TTLL11: variants seen among roughly 807,000 people sequenced by gnomAD.
The protein encoded by TTLL11 is tubulin tyrosine ligase like 11.
Under a neutral mutation model 51.7 loss-of-function variants are expected in TTLL11, and 42 were observed. The ratio of observed to expected loss-of-function variants is 0.81; its 90% CI spans 0.64 to 1.05. The LOEUF is 1.05. Ranked by LOEUF, TTLL11 falls within the 50% of genes least tolerant of loss-of-function variation. The probability of loss-of-function intolerance (pLI) is 0.00; values close to 1 mark genes in which losing one functional copy is unlikely to be tolerated. For synonymous variants in TTLL11, 381 were observed against 383.5 expected (o/e 0.99, Z 0.08); for missense variants, 799 against 940.4 (o/e 0.85, Z 1.97).
chr9:121,989,110 C>G lies in TTLL11; in HGVS notation c.1269+85G>C. 6.4e-7 allele frequency: 1 copy of G among 1,559,562 alleles called. No individual in the cohort carries two copies. Among genetic ancestry groups the G allele is most frequent in the Non-Finnish European group, 8.7e-7 (1 of 1,150,938 alleles). ...GTCCCCTCCTCTGGCCATCCCACCC[C>G]GATCACTCATCCTACACGAAGCCAG... On this transcript the variant is annotated intron_variant, in intron 4 of 8. Coordinates refer to ENST00000321582, the MANE Select transcript of TTLL11 (RefSeq NM_001139442.2). The surrounding 1 kb of genome is among the most constrained non-coding windows in gnomAD (Gnocchi z 4.2).
At chr9:122,087,898 G>C (rs537618302) in intron 1 of TTLL11, among the ~76,000 whole-genome samples, 152 of 152,290 alleles carry the variant, frequency 1.0e-3, no homozygotes, top group African/African-American at 3.5e-3. Flanking sequence ...TTTGCTATTT[G>C]AGAGTAACTC....
chr9:122,035,636 A>G (rs1025722002), intron 2 of TTLL11, among the ~76,000 whole-genome samples: 71 of 152,242 alleles, frequency 4.7e-4, no homozygotes, highest in Non-Finnish European at 5.7e-4. Context: ...AAATCCTTTC[A>G]GATCCATCCT....
In TTLL11 at chr9:121,976,000, T is replaced by C. The variant is rs570385037; in HGVS notation, c.1270-1021A>G. 6.2e-4 allele frequency among the ~76,000 whole-genome samples: 95 copies of C among 152,296 alleles called. 1 individual carries two copies. The highest frequency in any genetic ancestry group is 2.1e-3 in the African/African-American group (87 of 41,560). ...AGAAACTGAAACTCAGGAAGGCCAATGGATTTCCCAGAAACCGCCTAGCTA... is the reference window on the plus strand; with the variant it reads ...AGAAACTGAAACTCAGGAAGGCCAACGGATTTCCCAGAAACCGCCTAGCTA... On this transcript the variant is annotated intron_variant, in intron 4 of 8. Transcript: ENST00000321582.
At chr9:121,947,920 A>T (rs2131594967) in intron 6 of TTLL11, among the ~76,000 whole-genome samples, 1 of 152,360 alleles carries the variant, frequency 6.6e-6, no homozygotes, top group East Asian at 1.9e-4. Context: ...AAGCCTGGTT[A>T]TGCTGGTGCC....
intron 6 of TTLL11, among the ~76,000 whole-genome samples, chr9:121,950,416 C>T (rs909809505): frequency 1.3e-5 from 2 of 152,124 alleles, no homozygotes; most frequent in African/African-American, 4.8e-5. Context: ...ATTAAATTAA[C>T]CCCTGTCCCA....
At chr9:121,823,708 A>G in intron 8 of TTLL11, among the ~76,000 whole-genome samples, 1 of 152,214 alleles carries the variant, frequency 6.6e-6, no homozygotes, top group Non-Finnish European at 1.5e-5. Context: ...TTGTGCCTTA[A>G]GGCTCATGCA....
intron 3 of TTLL11, among the ~76,000 whole-genome samples, chr9:122,011,693 G>C (rs1293126165): frequency 1.3e-5 from 2 of 152,128 alleles, no homozygotes; most frequent in African/African-American, 4.8e-5. Context: ...AGAGACGGCA[G>C]ACATCAATGT....
chr9:121,953,775 C>A (rs555803862), intron 6 of TTLL11, among the ~76,000 whole-genome samples: 11 of 152,082 alleles, frequency 7.2e-5, no homozygotes, highest in African/African-American at 2.7e-4. Context: ...AAAAACCCGA[C>A]GAACCTTGCA....
chr9:122,036,921 T>C (rs1377013908), intron 2 of TTLL11, among the ~76,000 whole-genome samples: 1 of 152,184 alleles, frequency 6.6e-6, no homozygotes, highest in Non-Finnish European at 1.5e-5. Context: ...TAGAACTAAT[T>C]AATTTCTGTT....
chr9:121,865,384 G>A (rs1041711716), intron 7 of TTLL11, among the ~76,000 whole-genome samples: 1 of 152,150 alleles, frequency 6.6e-6, no homozygotes, highest in Non-Finnish European at 1.5e-5. Flanking sequence ...GCCACCCAGT[G>A]GGAGAACCTC....
chr9:121,888,073 C>T (rs965819118), intron 6 of TTLL11, among the ~76,000 whole-genome samples: 1 of 152,210 alleles, frequency 6.6e-6, no homozygotes, highest in Non-Finnish European at 1.5e-5. Flanking sequence ...GTCCCCTCTC[C>T]AGTTCCTGGC....
intron 6 of TTLL11, among the ~76,000 whole-genome samples, chr9:121,883,647 T>TGTC (rs1376265118): frequency 6.6e-6 from 1 of 152,232 alleles, no homozygotes; most frequent in African/African-American, 2.4e-5. Flanking sequence ...ATAGAGTTGT[T>TGTC]GTCAAAATCC....
At chr9:122,006,266 A>C (rs749197092) in intron 3 of TTLL11, among the ~76,000 whole-genome samples, 1 of 151,914 alleles carries the variant, frequency 6.6e-6, no homozygotes, top group African/African-American at 2.4e-5. Flanking sequence ...GCTTGATCCC[A>C]GGAGGCAGAG....
intron 6 of TTLL11, among the ~76,000 whole-genome samples, chr9:121,961,302 G>T (rs1195048484): frequency 6.6e-6 from 1 of 152,024 alleles, no homozygotes; most frequent in Non-Finnish European, 1.5e-5. Flanking sequence ...ATTCAGATTG[G>T]ATATTTTCCA....
intron 6 of TTLL11, among the ~76,000 whole-genome samples, chr9:121,936,612 T>C (rs12002445): frequency 0.26 from 39,810 of 151,852 alleles, 5,751 homozygotes; most frequent in African/African-American, 0.4. Flanking sequence ...CCTGTCCTTA[T>C]ACAGGTATAA....
chr9:122,062,592 C>T (rs1300307203), intron 1 of TTLL11, among the ~76,000 whole-genome samples: 6 of 150,862 alleles, frequency 4.0e-5, no homozygotes, highest in Non-Finnish European at 7.4e-5. Flanking sequence ...CCTCAGCCTC[C>T]CAAGTAGCTG....
intron 6 of TTLL11, among the ~76,000 whole-genome samples, chr9:121,901,464 C>T (rs1294061875): frequency 6.6e-6 from 1 of 152,206 alleles, no homozygotes; most frequent in South Asian, 2.1e-4. Flanking sequence ...TGTCTGGGAA[C>T]ACCAACAACT....
rs533752030 is a variant in TTLL11, at chr9:121,828,961, AT to A, written c.1841-6083del. On this transcript the variant is annotated intron_variant, in intron 8 of 8. Transcript: ENST00000321582. ...GCCTGGGCAACAGACAAGACCCTGT[AT>A]TTTTTTTTTTTTTGAAACGGAGTCT... Among the ~76,000 whole-genome samples, 703 of 142,824 alleles carry A rather than the reference AT, an allele frequency of 4.9e-3. 3 individuals carry two copies. The highest frequency in any genetic ancestry group is 0.011 in the African/African-American group (416 of 39,314). 93.7% of individuals were successfully genotyped at this position (142,824 alleles called of 152,430 possible).
chr9:121,822,407 C>G lies in TTLL11; in HGVS notation c.*180G>C, dbSNP rs1836605008. The G allele has an allele frequency of 4.0e-6, 2 of 495,260 alleles. No individual in the cohort carries two copies. Among genetic ancestry groups the G allele is most frequent in the South Asian group, 1.1e-4 (2 of 17,576 alleles). 30.7% of individuals were successfully genotyped at this position (495,260 alleles called of 1,614,324 possible). ...TCACCAGGAGGTGTGAGGAGGAAGG[C>G]AGGTGAGAACCAGCCAGCCTGGTGA... On this transcript the variant is annotated 3_prime_UTR_variant, in exon 9 of 9. Coordinates refer to ENST00000321582, the MANE Select transcript of TTLL11 (RefSeq NM_001139442.2). The surrounding 1 kb of genome is among the most constrained non-coding windows in gnomAD (Gnocchi z 5.8).
Sources: allele counts gnomAD v4.1 joint callset (sites outside exome capture counted in the v4.1 genomes callset), GRCh38; gene constraint gnomAD v4.1.1; non-coding constraint Gnocchi (gnomAD v3.1); transcripts MANE v1.5; gene names NCBI Gene and HGNC (gene_info 2026-07-23, HGNC 2026-07-21).